The following PWP1 variants were observed in gnomAD, a reference collection of about 807,000 sequenced individuals.
PWP1 encodes periodic tryptophan protein 1 homolog.
In PWP1, 47 loss-of-function variants were observed where a neutral mutation model predicts 69.9. That is an observed-to-expected ratio of 0.67 (90% CI 0.53 to 0.86). The LOEUF (loss-of-function observed/expected upper bound fraction) is 0.86, where lower values mean the gene tolerates loss of function less well. PWP1 is among the 40% of genes least tolerant of loss of function. PWP1 has a pLI of 0.00. For synonymous variants in PWP1, 222 were observed against 208.2 expected (o/e 1.07, Z -0.57); for missense variants, 551 against 608.8 (o/e 0.91, Z 1.00).
At chr12:107,701,709 T>C (rs1444375806) in intron 8 of PWP1, among the ~76,000 whole-genome samples, 1 of 151,868 alleles carries the variant, frequency 6.6e-6, no homozygotes, top group African/African-American at 2.4e-5. Flanking sequence ...GACAGGGTCT[T>C]ACTCTGTCAC....
chr12:107,708,574 C>G (rs1406496244), intron 11 of PWP1, among the ~76,000 whole-genome samples: 1 of 152,226 alleles, frequency 6.6e-6, no homozygotes, highest in East Asian at 1.9e-4. Context: ...ATCCCTTCTT[C>G]CCTCTCTGAC....
chr12:107,706,148 GTGA>G (rs1344774136), intron 11 of PWP1, among the ~76,000 whole-genome samples: 2 of 152,222 alleles, frequency 1.3e-5, no homozygotes, highest in African/African-American at 2.4e-5. Context: ...CTGATGGCCA[GTGA>G]TGATGAGCAT....
At chr12:107,692,125 T>C (rs745625736) in intron 3 of PWP1, among the ~76,000 whole-genome samples, 1 of 152,214 alleles carries the variant, frequency 6.6e-6, no homozygotes, top group Non-Finnish European at 1.5e-5. Context: ...CTTTCTCGTG[T>C]AGCAGAAATT....
chr12:107,712,273 C>T lies in PWP1; in HGVS notation c.*53C>T, dbSNP rs1288251830. The T allele has an allele frequency of 1.4e-6, 2 of 1,438,854 alleles. No homozygotes were observed. The highest frequency in any genetic ancestry group is 3.4e-5 in the Admixed American group (2 of 59,002). 89.1% of individuals were successfully genotyped at this position (1,438,854 alleles called of 1,614,324 possible). ...TTAACTGGGAATTTTAAAAAGTTGGCCTAAAAATGTTCCATGCGTGGCAGC... is the reference window on the plus strand; with the variant it reads ...TTAACTGGGAATTTTAAAAAGTTGGTCTAAAAATGTTCCATGCGTGGCAGC... On this transcript the variant is annotated 3_prime_UTR_variant, in exon 15 of 15. Transcript: ENST00000412830.
At chr12:107,688,939 A>G (rs1239908332) in intron 3 of PWP1, 137 bp downstream of exon 3, 20 of 864,032 alleles carry the variant, frequency 2.3e-5, no homozygotes, top group Non-Finnish European at 2.8e-5. Flanking sequence ...ACTTGGGCAG[A>G]CAGCATGATT....
chr12:107,709,124 C>T lies in PWP1; in HGVS notation c.1182C>T (p.Ser394=), dbSNP rs1400751505. The T allele has an allele frequency of 1.2e-6, 2 of 1,613,720 alleles. No homozygotes were observed. Among genetic ancestry groups the T allele is most frequent in the Non-Finnish European group, 1.7e-6 (2 of 1,179,880 alleles). The change falls in exon 13 of 15, where the codon AGC becomes AGT. Residue 394 remains serine, a synonymous_variant. Coordinates refer to ENST00000412830, the MANE Select transcript of PWP1 (RefSeq NM_007062.3). ...HNDEISGLDL[S]SQIKGCLVTA... is the part of the protein sequence containing the mutation. ...ATCTTCCTTTAGGTCTTGATCTTAGCAGTCAAATCAAGGGCTGTCTCGTGA... is the reference window on the plus strand; with the variant it reads ...ATCTTCCTTTAGGTCTTGATCTTAGTAGTCAAATCAAGGGCTGTCTCGTGA...
intron 5 of PWP1, among the ~76,000 whole-genome samples, chr12:107,695,862 CT>C (rs1889572903): frequency 6.6e-6 from 1 of 152,030 alleles, no homozygotes; most frequent in African/African-American, 2.4e-5. Context: ...ACATTATGAA[CT>C]TATGAACATT....
intron 14 of PWP1, among the ~76,000 whole-genome samples, chr12:107,711,778 G>A (rs191917526): frequency 3.9e-4 from 59 of 152,110 alleles, no homozygotes; most frequent in East Asian, 5.8e-4. Context: ...GTTCTGTGCC[G>A]GTTATGATCA....
intron 8 of PWP1, 30 bp from the exon 9 acceptor site, chr12:107,702,905 A>C: frequency 1.4e-6 from 2 of 1,397,762 alleles, no homozygotes; most frequent in Non-Finnish European, 2.0e-6. Flanking sequence ...CTTTTAAAAG[A>C]TTACCTGATT....
At chr12:107,693,890 T>A (rs886736015) in intron 5 of PWP1, among the ~76,000 whole-genome samples, 1 of 152,210 alleles carries the variant, frequency 6.6e-6, no homozygotes, top group Non-Finnish European at 1.5e-5. Context: ...ATTTCAGATA[T>A]TTCCCCTTTG....
Position 107,688,682 on chromosome 12 carries a change from C to A in PWP1, c.199C>A (p.Arg67Ser), listed in dbSNP as rs148629471. The A allele has an allele frequency of 4.3e-6, 7 of 1,613,986 alleles. 1 individual carries two copies. The highest frequency in any genetic ancestry group is 4.2e-6 in the Non-Finnish European group (5 of 1,179,962). Reference protein sequence around the residue: ...SPSEDGMQSARTQARPREPLE... With the variant: ...SPSEDGMQSASTQARPREPLE... ...TTCAGAAGATGGCATGCAGAGTGCA[C>A]GCACCCAGGCACGCCCAAGAGAGCC... The change falls in exon 3 of 15, where the codon CGC becomes AGC. Residue 67 changes from arginine to serine, a missense_variant. Transcript: ENST00000412830.
intron 1 of PWP1, among the ~76,000 whole-genome samples, chr12:107,686,969 CAAAAAAAAAA>C (rs61728433): frequency 1.8e-4 from 19 of 106,870 alleles, no homozygotes; most frequent in South Asian, 6.3e-4. Context: ...GACTCCGTCT[CAAAAAAAAAA>C]AAAAAAAAAA....
chr12:107,692,170 A>G (rs1038215299), intron 3 of PWP1, among the ~76,000 whole-genome samples: 1 of 152,196 alleles, frequency 6.6e-6, no homozygotes, highest in African/African-American at 2.4e-5. Flanking sequence ...TTTAAGACCT[A>G]TCAGTCCTGC....
intron 9 of PWP1, among the ~76,000 whole-genome samples, chr12:107,703,473 T>C (rs1889753458): frequency 6.6e-6 from 1 of 152,196 alleles, no homozygotes; most frequent in Non-Finnish European, 1.5e-5. Context: ...GCCAAACAGT[T>C]TGGGGAAACT....
chr12:107,693,176 G>A, intron 5 of PWP1, 80 bp downstream of exon 5: 1 of 1,505,762 alleles, frequency 6.6e-7, no homozygotes, highest in African/African-American at 1.4e-5. Flanking sequence ...TTCATTTTTA[G>A]GTGCCAGATC....
At chr12:107,706,738 T>C (rs1208176437) in intron 11 of PWP1, among the ~76,000 whole-genome samples, 1 of 152,224 alleles carries the variant, frequency 6.6e-6, no homozygotes, top group African/African-American at 2.4e-5. Context: ...CTGAGGGCTC[T>C]GTTCTGTTCT....
Position 107,693,064 on chromosome 12 carries a change from C to T in PWP1, c.470C>T (p.Ala157Val). Residue 157 changes from alanine to valine, a missense_variant, in exon 5 of 15, where the codon GCT becomes GTT. Transcript: ENST00000412830. ...PSDNLIVCGR[A>V]EQDQCNLEVH... ...GATAATCTTATAGTTTGTGGCCGAG[C>T]TGAACAGGACCAGTGCAATTTAGAG... 3.7e-6 allele frequency: 6 copies of T among 1,614,038 alleles called. No homozygotes were observed. Among genetic ancestry groups the T allele is most frequent in the Non-Finnish European group, 5.1e-6 (6 of 1,179,986 alleles).
At chr12:107,692,424 T>G (rs1349284503) in intron 3 of PWP1, among the ~76,000 whole-genome samples, 1 of 152,252 alleles carries the variant, frequency 6.6e-6, no homozygotes, top group Non-Finnish European at 1.5e-5. Context: ...CCCTTATTTA[T>G]TATGTTGATT....
chr12:107,712,417 C>T lies in PWP1; in HGVS notation c.*197C>T. The stretch of plus-strand genomic sequence containing the variant: ...CTCTTCAGATGGATGGTTTGTAAGG[C>T]TCTTGTTGCATTTCTTAAAAAAGAG... On this transcript the variant is annotated 3_prime_UTR_variant, in exon 15 of 15. Transcript: ENST00000412830. 2.2e-6 allele frequency: 1 copy of T among 451,130 alleles called. No homozygotes were observed. The allele number at this position is 451,130 out of a possible 1,614,324, so 27.9% of individuals were successfully genotyped here.
Sources: gnomAD v4.1 joint callset for allele counts (sites outside exome capture counted in the v4.1 genomes callset) on GRCh38, gnomAD v4.1.1 for gene constraint, MANE v1.5 for transcripts, NCBI Gene and HGNC (gene_info 2026-07-23, HGNC 2026-07-21) for gene names.